The following NTN4 variants were observed in gnomAD, a reference collection of about 807,000 sequenced individuals.
NTN4 encodes netrin-4.
In NTN4, 32 loss-of-function variants were observed where a neutral mutation model predicts 73.6. The ratio of observed to expected loss-of-function variants is 0.44; its 90% CI spans 0.33 to 0.58. NTN4 has a LOEUF of 0.58. Ranked by LOEUF, NTN4 falls within the 20% of genes least tolerant of loss-of-function variation. The probability of loss-of-function intolerance (pLI) is 0.04; values close to 1 mark genes in which losing one functional copy is unlikely to be tolerated. For synonymous variants in NTN4, 258 were observed against 287.5 expected (o/e 0.90, Z 1.04); for missense variants, 654 against 798.3 (o/e 0.82, Z 2.18).
At chr12:95,759,136 T>C (rs372909527) in intron 2 of NTN4, among the ~76,000 whole-genome samples, 10 of 152,234 alleles carry the variant, frequency 6.6e-5, no homozygotes, top group South Asian at 2.1e-4. Flanking sequence ...CGCTTCTTCA[T>C]TGAATCAGCG....
At chr12:95,729,145 T>A (rs1030117700) in intron 3 of NTN4, among the ~76,000 whole-genome samples, 5 of 152,140 alleles carry the variant, frequency 3.3e-5, no homozygotes, top group Non-Finnish European at 1.5e-5. Context: ...CCCTTAGAGA[T>A]GCAAAATTAA....
intron 3 of NTN4, among the ~76,000 whole-genome samples, chr12:95,723,797 C>G (rs1192432250): frequency 6.6e-6 from 1 of 152,224 alleles, no homozygotes; most frequent in Non-Finnish European, 1.5e-5. Flanking sequence ...CAGGCATGAG[C>G]CACTGTGCCT....
Position 95,735,666 on chromosome 12 carries a change from A to T in NTN4, c.864+2200T>A, listed in dbSNP as rs373641886. ...TTATCCTGAACCTCTTTACAGGCTG[A>T]TAATTTTCTTGCTGGCAGTATATTG... On this transcript the variant is annotated intron_variant, in intron 3 of 9. Coordinates refer to ENST00000343702, the MANE Select transcript of NTN4 (RefSeq NM_021229.4). 3.1e-4 allele frequency among the ~76,000 whole-genome samples: 47 copies of T among 152,242 alleles called. No homozygotes were observed. The South Asian group carries it at 9.5e-3, about 31-fold the overall frequency.
intron 3 of NTN4, among the ~76,000 whole-genome samples, chr12:95,730,502 C>A (rs2078729741): frequency 6.6e-6 from 1 of 152,296 alleles, no homozygotes; most frequent in Admixed American, 6.5e-5. Flanking sequence ...GTCCCAAAGT[C>A]TTCTTGTTTC....
rs1161061270 is a variant in NTN4 at position 95,789,566 on chromosome 12, TGCCGAC to T, written c.55+683_55+688del. Among the ~76,000 whole-genome samples the T allele has an allele frequency of 2.0e-5, 3 of 152,144 alleles. No homozygotes were observed. The highest frequency in any genetic ancestry group is 1.9e-4 in the East Asian group (1 of 5,186). ...ATGGGAGTGGGAGGGAGAGGGCATC[TGCCGAC>T]GCCGACGCCGGTTGTCCAGTTACCG... On this transcript the variant is annotated intron_variant, in intron 1 of 9. Transcript: ENST00000343702. This position sits in a 1 kb window ranked among gnomAD's most constrained non-coding sequence, Gnocchi z 4.0.
intron 2 of NTN4, among the ~76,000 whole-genome samples, chr12:95,777,578 T>TGG (rs1370108933): frequency 3.9e-5 from 6 of 152,180 alleles, no homozygotes; most frequent in Admixed American, 3.3e-4. Context: ...CATTACATAA[T>TGG]GGTAAAGGGA....
rs2079201878 is a variant in NTN4 at position 95,790,555 on chromosome 12, A to G, written c.-246T>C. On this transcript the variant is annotated 5_prime_UTR_variant, in exon 1 of 10. Coordinates refer to ENST00000343702, the MANE Select transcript of NTN4 (RefSeq NM_021229.4). This position sits in a 1 kb window ranked among gnomAD's most constrained non-coding sequence, Gnocchi z 6.5. ...TCCCGGGCACCTGGGGGGCGGCGGGAGCCCCGGGACCATAGCCGGCCTGGC... is the reference window on the plus strand; with the variant it reads ...TCCCGGGCACCTGGGGGGCGGCGGGGGCCCCGGGACCATAGCCGGCCTGGC... The G allele has an allele frequency of 6.0e-6, 2 of 330,614 alleles. No homozygotes were observed. The highest frequency in any genetic ancestry group is 1.1e-5 in the Non-Finnish European group (2 of 183,550). The allele number at this position is 330,614 out of a possible 1,614,324, so 20.5% of individuals were successfully genotyped here. A position where few individuals can be genotyped will look rare whatever the true frequency, so the allele number is the denominator to read the frequency against.
intron 5 of NTN4, among the ~76,000 whole-genome samples, chr12:95,700,722 G>A (rs771150592): frequency 1.3e-5 from 2 of 151,736 alleles, no homozygotes; most frequent in Non-Finnish European, 2.9e-5. Flanking sequence ...GAACCCTGCC[G>A]CAAAAGCCAG....
At chr12:95,718,536 G>T (rs57556930) in intron 3 of NTN4, among the ~76,000 whole-genome samples, 43,558 of 152,054 alleles carry the variant, frequency 0.29, 7,348 homozygotes, top group South Asian at 0.46. Context: ...AATACTATTT[G>T]GTTGCAGAAA....
At chr12:95,738,188 C>A in intron 2 of NTN4, 44 bp from the exon 3 acceptor site, 1 of 1,541,624 alleles carries the variant, frequency 6.5e-7, no homozygotes. Context: ...GGACTGTGCG[C>A]AAACCCTGAA....
rs145799634 is a variant in NTN4 at position 95,712,884 on chromosome 12, C to T, written c.991+328G>A. Among the ~76,000 whole-genome samples, 75 of 150,752 alleles carry T rather than the reference C, an allele frequency of 5.0e-4. No homozygotes were observed. In the East Asian group the frequency reaches 0.011, roughly 22 times the overall value. On this transcript the variant is annotated intron_variant, in intron 4 of 9. Coordinates refer to ENST00000343702, the MANE Select transcript of NTN4 (RefSeq NM_021229.4). Reference sequence around the variant, plus strand: ...AACTCCTGGTCTCAAGTGATCCACCCGCCTTGGCCTCCCAAAGTGCTGAAA... The same window carrying T: ...AACTCCTGGTCTCAAGTGATCCACCTGCCTTGGCCTCCCAAAGTGCTGAAA...
In NTN4 at chr12:95,738,083, T is replaced by C. The variant is rs2078793822; in HGVS notation, c.647A>G (p.Gln216Arg). ...DTENPYSAKVQEQLKITNLRV... is the reference protein window; with the variant it reads ...DTENPYSAKVREQLKITNLRV... ...AAGGTTGGTGATCTTCAGCTGCTCC[T>C]GAACTTTGGCACTGTAAGGGTTCTC... Residue 216 changes from glutamine to arginine, a missense_variant, in exon 3 of 10, where the codon CAG becomes CGG. By Grantham distance (43) the Gln-to-Arg change is conservative. Coordinates refer to ENST00000343702, the MANE Select transcript of NTN4 (RefSeq NM_021229.4). 1 of 1,614,034 alleles carries C rather than the reference T, an allele frequency of 6.2e-7. No individual in the cohort carries two copies. The highest frequency in any genetic ancestry group is 1.7e-5 in the Admixed American group (1 of 60,008).
At chr12:95,718,738 A>G (rs1431783303) in intron 3 of NTN4, among the ~76,000 whole-genome samples, 1 of 152,224 alleles carries the variant, frequency 6.6e-6, no homozygotes, top group African/African-American at 2.4e-5. Context: ...AAATATTAAT[A>G]GTCTCTGAAG....
chr12:95,755,602 C>A (rs182262637), intron 2 of NTN4, among the ~76,000 whole-genome samples: 1 of 152,206 alleles, frequency 6.6e-6, no homozygotes, highest in East Asian at 1.9e-4. Context: ...GATAGCCCAC[C>A]CTTTAAAGTG....
At position 95,659,049 on chromosome 12, in the gene NTN4, C is replaced by T. The variant is rs758045662; in HGVS notation, c.*37G>A. The T allele has an allele frequency of 8.3e-6, 13 of 1,570,648 alleles. 1 individual carries two copies. The South Asian group carries it at 1.6e-4, about 19-fold the overall frequency. ...CTTGCTCTAAAGTTTGTGTTTTGTA[C>T]ATAGACAAGTGCCATTATGTGCTAT... is the stretch of plus-strand genomic sequence containing the variant. On this transcript the variant is annotated 3_prime_UTR_variant, in exon 10 of 10. Coordinates refer to ENST00000343702, the MANE Select transcript of NTN4 (RefSeq NM_021229.4).
chr12:95,786,853 G>A (rs2079170696), intron 2 of NTN4, 86 bp downstream of exon 2: 3 of 1,026,834 alleles, frequency 2.9e-6, no homozygotes, highest in Non-Finnish European at 4.3e-6. Context: ...GTTGCTACAA[G>A]TATAGCTTCA....
chr12:95,687,105 G>A (rs2078366677), intron 5 of NTN4, among the ~76,000 whole-genome samples: 1 of 152,122 alleles, frequency 6.6e-6, no homozygotes, highest in South Asian at 2.1e-4. Flanking sequence ...ACTCCCTCCA[G>A]ACAGTTAGCC....
At chr12:95,740,533 G>A (rs146038843) in intron 2 of NTN4, among the ~76,000 whole-genome samples, 1 of 152,228 alleles carries the variant, frequency 6.6e-6, no homozygotes, top group East Asian at 1.9e-4. Flanking sequence ...CAGTATTTCT[G>A]GCTCGTTAGT....
intron 2 of NTN4, among the ~76,000 whole-genome samples, chr12:95,767,731 C>T (rs968061380): frequency 5.9e-5 from 9 of 152,186 alleles, no homozygotes; most frequent in Non-Finnish European, 1.2e-4. Context: ...CAACGCCCCC[C>T]CTCCAAGTGA....
Sources: allele counts gnomAD v4.1 joint callset (sites outside exome capture counted in the v4.1 genomes callset), GRCh38; gene constraint gnomAD v4.1.1; non-coding constraint Gnocchi (gnomAD v3.1); transcripts MANE v1.5; gene names NCBI Gene and HGNC (gene_info 2026-07-23, HGNC 2026-07-21).